TBC1D19: variants seen among roughly 807,000 people sequenced by gnomAD.
The protein encoded by TBC1D19 is TBC1 domain family member 19, also known as TBC1 domain family, member 19.
In TBC1D19, 60 loss-of-function variants were observed where a neutral mutation model predicts 89.0. The ratio of observed to expected loss-of-function variants is 0.67; its 90% confidence interval spans 0.55 to 0.84. The LOEUF is 0.84. TBC1D19 is among the 40% of genes least tolerant of loss of function. The pLI is 0.00. For missense variants in TBC1D19, 500 were observed against 610.8 expected (o/e 0.82, Z 1.91); for synonymous variants, 189 against 199.7 (o/e 0.95, Z 0.45).
chr4:26,759,469 G>T (rs933332769), downstream of TBC1D19, among the ~76,000 whole-genome samples: 22 of 152,042 alleles, frequency 1.4e-4, no homozygotes, highest in Non-Finnish European at 2.2e-4. Context: ...GTACAATAAA[G>T]TTATATGTAT....
intron 9 of TBC1D19, among the ~76,000 whole-genome samples, chr4:26,671,905 T>C (rs1712343136): frequency 6.6e-6 from 1 of 151,892 alleles, no homozygotes; most frequent in Non-Finnish European, 1.5e-5. Flanking sequence ...TTATGAGATG[T>C]TTTAACAAAG....
intron 1 of TBC1D19, among the ~76,000 whole-genome samples, chr4:26,594,818 A>T (rs751137788): frequency 1.9e-4 from 29 of 152,170 alleles, no homozygotes; most frequent in Non-Finnish European, 4.0e-4. Flanking sequence ...ATTCCCTAAA[A>T]AATCCCGCTA....
At chr4:26,831,707 C>A in the TBC1D19 span, among the ~76,000 whole-genome samples, 1 of 151,680 alleles carries the variant, frequency 6.6e-6, no homozygotes, top group African/African-American at 2.4e-5. Context: ...CTCAGCCTCT[C>A]AAGTAGCTGG....
the TBC1D19 span, among the ~76,000 whole-genome samples, chr4:26,799,880 G>A: frequency 1.3e-5 from 2 of 152,202 alleles, no homozygotes; most frequent in African/African-American, 4.8e-5. Flanking sequence ...AGCTTGGGGA[G>A]CAGGGGAAGA....
intron 19 of TBC1D19, among the ~76,000 whole-genome samples, chr4:26,752,052 G>A (rs1356581900): frequency 2.6e-5 from 4 of 152,104 alleles, no homozygotes; most frequent in East Asian, 3.8e-4. Flanking sequence ...GCCTCTGAAC[G>A]TGTCACCCCA....
At chr4:26,599,695 T>C (rs535431494) in intron 1 of TBC1D19, among the ~76,000 whole-genome samples, 2 of 152,036 alleles carry the variant, frequency 1.3e-5, no homozygotes, top group African/African-American at 2.4e-5. Context: ...CCTGTAATCC[T>C]AGCACTTTGG....
At chr4:26,670,795 G>A (rs186452322) in intron 9 of TBC1D19, among the ~76,000 whole-genome samples, 1 of 151,638 alleles carries the variant, frequency 6.6e-6, no homozygotes, top group East Asian at 1.9e-4. Context: ...GCTTATTTTT[G>A]TACTTTATAG....
intron 1 of TBC1D19, among the ~76,000 whole-genome samples, chr4:26,593,045 A>G (rs1267118278): frequency 2.0e-5 from 3 of 152,242 alleles, no homozygotes; most frequent in African/African-American, 7.2e-5. Context: ...ATCCTAAGCC[A>G]AAAGAACAAA....
chr4:26,784,461 G>A, the TBC1D19 span, among the ~76,000 whole-genome samples: 257 of 152,302 alleles, frequency 1.7e-3, 1 homozygote, highest in African/African-American at 6.0e-3. Flanking sequence ...GCACTTGGCA[G>A]GAGCCCTGGA....
At chr4:26,838,729 C>G in the TBC1D19 span, among the ~76,000 whole-genome samples, 182 of 152,316 alleles carry the variant, frequency 1.2e-3, no homozygotes, top group Middle Eastern at 0.014. Flanking sequence ...GATTCCAAAA[C>G]CTGATCTAAA....
the TBC1D19 span, among the ~76,000 whole-genome samples, chr4:26,837,001 T>C: frequency 1.3e-5 from 2 of 152,190 alleles, no homozygotes; most frequent in Non-Finnish European, 2.9e-5. Context: ...CAGACCCATA[T>C]TGCCTTGAAG....
rs753697122 is a variant in TBC1D19 at position 26,683,656 on chromosome 4, G to A, written c.817-19G>A. 1.3e-6 allele frequency: 2 copies of A among 1,590,714 alleles called. No homozygotes were observed. The highest frequency in any genetic ancestry group is 1.1e-5 in the South Asian group (1 of 87,176). On this transcript the variant is annotated intron_variant, in intron 11 of 20. Transcript: ENST00000264866. ...AATGTGATTGACCTTTAATTTTTTT[G>A]TTTTACTTTTAAATTTAGGATGTCT...
intron 4 of TBC1D19, among the ~76,000 whole-genome samples, chr4:26,620,905 G>A (rs375102435): frequency 9.9e-5 from 15 of 152,230 alleles, no homozygotes; most frequent in African/African-American, 3.6e-4. Context: ...AAAAAATGGG[G>A]TAGAAGGGGA....
At chr4:26,590,796 GTTTTTTTTTTTTTTTTTT>G (rs869124166) in intron 1 of TBC1D19, among the ~76,000 whole-genome samples, 2 of 52,962 alleles carry the variant, frequency 3.8e-5, no homozygotes, top group East Asian at 1.5e-3. Context: ...TTGCAGGTCT[GTTTTTTTTTTTTTTTTTT>G]TTTTTTTTTT....
chr4:26,690,315 A>T (rs1714164283), intron 13 of TBC1D19, among the ~76,000 whole-genome samples: 1 of 152,248 alleles, frequency 6.6e-6, no homozygotes. Flanking sequence ...GCAAGTGTTG[A>T]TGTAGCAGCT....
At chr4:26,832,911 T>C in the TBC1D19 span, among the ~76,000 whole-genome samples, 3 of 152,120 alleles carry the variant, frequency 2.0e-5, no homozygotes, top group East Asian at 1.9e-4. Context: ...AGAAAATTGC[T>C]TGAGTCCAGG....
At chr4:26,799,159 A>G in the TBC1D19 span, among the ~76,000 whole-genome samples, 45 of 152,318 alleles carry the variant, frequency 3.0e-4, 1 homozygote, top group East Asian at 8.1e-3. Context: ...TGGAGAACAT[A>G]AAGAGATACC....
intron 13 of TBC1D19, among the ~76,000 whole-genome samples, chr4:26,692,080 A>G (rs1714339705): frequency 6.6e-6 from 1 of 152,194 alleles, no homozygotes; most frequent in Admixed American, 6.5e-5. Flanking sequence ...CCCTTGAGTC[A>G]TGACCTGCTT....
At chr4:26,820,809 T>C in the TBC1D19 span, among the ~76,000 whole-genome samples, 1 of 152,208 alleles carries the variant, frequency 6.6e-6, no homozygotes, top group African/African-American at 2.4e-5. Flanking sequence ...CTTTTCACCA[T>C]AGCACCTACT....
Sources: allele counts gnomAD v4.1 joint callset (sites outside exome capture counted in the v4.1 genomes callset), GRCh38; gene constraint gnomAD v4.1.1; transcripts MANE v1.5; gene names NCBI Gene and HGNC (gene_info 2026-07-23, HGNC 2026-07-21).